Variants in ADAM22 observed in about 807,000 individuals in gnomAD.
ADAM22 encodes the protein disintegrin and metalloproteinase domain-containing protein 22.
Under a neutral mutation model 144.6 loss-of-function variants are expected in ADAM22, and 65 were observed. The observed-to-expected ratio is 0.45, with a 90% CI of 0.37 to 0.55. The LOEUF is 0.55. Ranked by LOEUF, ADAM22 falls within the 20% of genes least tolerant of loss-of-function variation. The pLI is 0.00. For missense variants in ADAM22, 974 were observed against 1,184.9 expected (o/e 0.82, Z 2.61); for synonymous variants, 391 against 412.6 (o/e 0.95, Z 0.63).
intron 26 of ADAM22, among the ~76,000 whole-genome samples, chr7:88,176,795 T>C (rs1265551893): frequency 1.3e-5 from 2 of 152,164 alleles, no homozygotes; most frequent in Non-Finnish European, 2.9e-5. Flanking sequence ...GACAGAGTCT[T>C]GCTCTGTTGC....
At chr7:87,955,751 A>C (rs1846519266) in intron 2 of ADAM22, among the ~76,000 whole-genome samples, 1 of 152,212 alleles carries the variant, frequency 6.6e-6, no homozygotes, top group Non-Finnish European at 1.5e-5. Context: ...AGAGGCAGGC[A>C]GGCCTCCTTG....
chr7:87,934,868 T>C (rs760970406), intron 1 of ADAM22, 158 bp from the exon 2 acceptor site: 8 of 1,028,384 alleles, frequency 7.8e-6, no homozygotes, highest in Non-Finnish European at 1.2e-5. Context: ...GCTCTCGGGC[T>C]GGTGTCTCTG....
At chr7:87,935,376 C>G (rs1450643071) in intron 2 of ADAM22, among the ~76,000 whole-genome samples, 190 bp downstream of exon 2, 1 of 152,150 alleles carries the variant, frequency 6.6e-6, no homozygotes, top group Non-Finnish European at 1.5e-5. Flanking sequence ...ACCAAAATAA[C>G]CACAGGCCGA....
intron 3 of ADAM22, among the ~76,000 whole-genome samples, chr7:88,042,894 C>T (rs935534207): frequency 1.3e-5 from 2 of 150,680 alleles, no homozygotes; most frequent in Non-Finnish European, 3.0e-5. Flanking sequence ...CCTTGGCATA[C>T]CAGATCAAAA....
rs1851269170 is a variant in ADAM22 at position 88,202,464 on chromosome 7, G to A, written c.*5973G>A. The A allele has an allele frequency of 6.6e-6, 1 of 152,208 alleles. No homozygotes were observed. Among genetic ancestry groups the A allele is most frequent in the African/African-American group, 2.4e-5 (1 of 41,448 alleles). The allele number at this position is 152,208 out of a possible 1,614,324, so 9.4% of individuals were successfully genotyped here. On this transcript the variant is annotated 3_prime_UTR_variant, in exon 32 of 32. Coordinates refer to ENST00000413139, the MANE Select transcript of ADAM22 (RefSeq NM_001324418.2). ...GACAGGTGATGTGCATCTATAGATA[G>A]TGGAAGCCACCCCATGAGGAGGTGT...
chr7:87,964,946 T>C (rs1227478851), intron 2 of ADAM22, among the ~76,000 whole-genome samples: 1 of 152,202 alleles, frequency 6.6e-6, no homozygotes, highest in Non-Finnish European at 1.5e-5. Flanking sequence ...TACATGGTTT[T>C]AAGACATGGT....
intron 3 of ADAM22, among the ~76,000 whole-genome samples, chr7:87,989,793 G>A (rs564972466): frequency 8.5e-5 from 13 of 152,162 alleles, no homozygotes; most frequent in Admixed American, 4.6e-4. Context: ...GCACACACCC[G>A]TAATCCCAGC....
intron 3 of ADAM22, among the ~76,000 whole-genome samples, chr7:87,996,293 C>T (rs1791212717): frequency 6.6e-6 from 1 of 152,174 alleles, no homozygotes. Flanking sequence ...GACTGGGTAG[C>T]TTAAAAACAG....
intron 26 of ADAM22, among the ~76,000 whole-genome samples, chr7:88,172,255 T>G (rs1173664810): frequency 6.6e-6 from 1 of 151,966 alleles, no homozygotes; most frequent in Non-Finnish European, 1.5e-5. Flanking sequence ...CTATAACAAT[T>G]GCCTATTTTA....
At position 88,096,617 on chromosome 7, in the gene ADAM22, C is replaced by T. The variant is rs1450513783; in HGVS notation, c.391-11559C>T. On this transcript the variant is annotated intron_variant, in intron 4 of 31. Transcript: ENST00000413139. ...GTATATTTGGTATTTTAAAAATTTC[C>T]AAACATATGAACATCTTTGTTGTTG... Among the ~76,000 whole-genome samples the T allele has an allele frequency of 2.0e-5, 3 of 151,068 alleles. No homozygotes were observed. The East Asian group carries it at 5.8e-4, about 29-fold the overall frequency.
intron 17 of ADAM22, among the ~76,000 whole-genome samples, chr7:88,147,189 C>T (rs1836762254): frequency 6.6e-6 from 1 of 152,126 alleles, no homozygotes; most frequent in South Asian, 2.1e-4. Context: ...TATAGCTGTA[C>T]CAGTCAAGAG....
intron 3 of ADAM22, among the ~76,000 whole-genome samples, chr7:87,996,137 C>A (rs1030467713): frequency 1.3e-5 from 2 of 152,154 alleles, no homozygotes; most frequent in East Asian, 3.9e-4. Context: ...GTAGGAGGCA[C>A]AACTTTCTAG....
intron 6 of ADAM22, among the ~76,000 whole-genome samples, chr7:88,115,002 C>T (rs758560662): frequency 1.5e-4 from 23 of 152,034 alleles, no homozygotes; most frequent in Non-Finnish European, 2.9e-4. Context: ...CCTGTAATCC[C>T]AGCACTATTG....
At chr7:88,116,865 T>G in intron 7 of ADAM22, 51 bp downstream of exon 7, 1 of 1,330,244 alleles carries the variant, frequency 7.5e-7, no homozygotes, top group Non-Finnish European at 1.1e-6. Flanking sequence ...TTCAGTAATT[T>G]ATTTAATGCC....
intron 3 of ADAM22, among the ~76,000 whole-genome samples, chr7:88,004,392 A>G (rs549759327): frequency 2.0e-5 from 3 of 152,254 alleles, no homozygotes; most frequent in Non-Finnish European, 4.4e-5. Flanking sequence ...GGGCCAAAGT[A>G]CTGAAGAGAG....
chr7:88,077,520 G>C (rs184789185), intron 4 of ADAM22, among the ~76,000 whole-genome samples: 1 of 152,188 alleles, frequency 6.6e-6, no homozygotes, highest in Non-Finnish European at 1.5e-5. Context: ...GCAGTGTACC[G>C]TGCGTGAGCC....
chr7:88,105,697 G>C (rs1824187744), intron 4 of ADAM22, among the ~76,000 whole-genome samples: 1 of 152,168 alleles, frequency 6.6e-6, no homozygotes, highest in Non-Finnish European at 1.5e-5. Flanking sequence ...CACAGGCCTT[G>C]TATCCACATA....
intron 2 of ADAM22, among the ~76,000 whole-genome samples, chr7:87,941,610 A>G (rs1021632434): frequency 6.6e-6 from 1 of 152,176 alleles, no homozygotes; most frequent in African/African-American, 2.4e-5. Context: ...ACATTTCACA[A>G]TGAATTTTTA....
At chr7:88,142,973 A>G in intron 14 of ADAM22, 53 bp from the exon 15 acceptor site, 1 of 1,149,524 alleles carries the variant, frequency 8.7e-7, no homozygotes, top group Non-Finnish European at 1.3e-6. Context: ...TCAGACATTC[A>G]CAAATGAGAA....
Sources: allele counts gnomAD v4.1 joint callset (sites outside exome capture counted in the v4.1 genomes callset), GRCh38; gene constraint gnomAD v4.1.1; transcripts MANE v1.5; gene names NCBI Gene and HGNC (gene_info 2026-07-23, HGNC 2026-07-21).